Variants in PTBP2 observed in about 807,000 individuals in gnomAD.
The protein encoded by PTBP2 is polypyrimidine tract binding protein 2.
A neutral mutation model predicts 61.4 loss-of-function variants in PTBP2; 13 were observed. The ratio of observed to expected loss-of-function variants is 0.21; its 90% CI spans 0.14 to 0.34. PTBP2 has a LOEUF of 0.34. Ranked by LOEUF, PTBP2 falls within the 10% of genes least tolerant of loss-of-function variation. PTBP2 has a pLI of 1.00. For synonymous variants in PTBP2, 215 were observed against 218.5 expected, an observed-to-expected ratio of 0.98 and a Z score of 0.14; for missense variants, 405 against 642.6, an observed-to-expected ratio of 0.63 and a Z score of 4.00.
At chr1:96,750,464 T>C (rs1295062993) in intron 2 of PTBP2, among the ~76,000 whole-genome samples, 2 of 152,010 alleles carry the variant, frequency 1.3e-5, no homozygotes, top group Non-Finnish European at 2.9e-5. Flanking sequence ...AGACAACCTA[T>C]GGATATCTGT....
chr1:96,764,795 T>G (rs1656471521), intron 3 of PTBP2, among the ~76,000 whole-genome samples: 1 of 152,232 alleles, frequency 6.6e-6, no homozygotes, highest in Non-Finnish European at 1.5e-5. Flanking sequence ...AGTGTTACTA[T>G]TTATGAGGGT....
intron 3 of PTBP2, among the ~76,000 whole-genome samples, chr1:96,769,375 A>G (rs948255933): frequency 1.3e-5 from 2 of 152,034 alleles, no homozygotes; most frequent in African/African-American, 4.8e-5. Flanking sequence ...TATGTGGCAC[A>G]TGACTGTGAT....
At chr1:96,797,603 C>T (rs1421775873) in intron 8 of PTBP2, among the ~76,000 whole-genome samples, 7 of 152,120 alleles carry the variant, frequency 4.6e-5, no homozygotes, top group Non-Finnish European at 1.0e-4. Flanking sequence ...TCCCATCCCC[C>T]ACCCTCTGAC....
intron 2 of PTBP2, among the ~76,000 whole-genome samples, chr1:96,724,326 C>G (rs1650069646): frequency 6.6e-6 from 1 of 152,104 alleles, no homozygotes; most frequent in South Asian, 2.1e-4. Context: ...TCTTGGCCCA[C>G]TGCAACCTCT....
chr1:96,732,986 C>G (rs534796401), intron 2 of PTBP2, among the ~76,000 whole-genome samples: 31 of 150,684 alleles, frequency 2.1e-4, no homozygotes, highest in Non-Finnish European at 2.8e-4. Flanking sequence ...TAATTTTCCA[C>G]ATAAAAGTAG....
chr1:96,727,670 T>C (rs573156090), intron 2 of PTBP2, among the ~76,000 whole-genome samples: 1 of 152,328 alleles, frequency 6.6e-6, no homozygotes, highest in East Asian at 1.9e-4. Context: ...TTTCGTGTGC[T>C]TTTTGTCAGC....
chr1:96,795,331 A>G (rs1660266635), intron 8 of PTBP2, among the ~76,000 whole-genome samples: 1 of 152,172 alleles, frequency 6.6e-6, no homozygotes, highest in South Asian at 2.1e-4. Flanking sequence ...GGGGAAAATT[A>G]TATGTAAAAG....
chr1:96,775,114 T>G (rs1040965218), intron 5 of PTBP2, among the ~76,000 whole-genome samples: 2 of 152,184 alleles, frequency 1.3e-5, no homozygotes, highest in African/African-American at 4.8e-5. Flanking sequence ...AAGAGTAGAT[T>G]AGGTTTGGAT....
chr1:96,797,113 G>A (rs1170528742), intron 8 of PTBP2, among the ~76,000 whole-genome samples: 1 of 152,126 alleles, frequency 6.6e-6, no homozygotes, highest in African/African-American at 2.4e-5. Flanking sequence ...TAATCCAATG[G>A]CTATTTTGAT....
At chr1:96,750,700 C>T (rs905870813) in intron 2 of PTBP2, among the ~76,000 whole-genome samples, 3 of 151,860 alleles carry the variant, frequency 2.0e-5, no homozygotes, top group African/African-American at 7.3e-5. Context: ...TACTAATATC[C>T]ATGTATGTAA....
intron 8 of PTBP2, among the ~76,000 whole-genome samples, chr1:96,792,078 C>T (rs1386457850): frequency 2.0e-5 from 3 of 151,914 alleles, no homozygotes; most frequent in African/African-American, 7.3e-5. Flanking sequence ...ACCTCCTGAT[C>T]CTCCTGCCTC....
chr1:96,767,600 A>G (rs1415150531), intron 3 of PTBP2, among the ~76,000 whole-genome samples: 2 of 152,186 alleles, frequency 1.3e-5, no homozygotes, highest in African/African-American at 2.4e-5. Context: ...TTAGTCCTGT[A>G]TCAGAATAAT....
rs191909210 is a variant in PTBP2, at chr1:96,737,695, G to C, written c.40-13730G>C. 2.3e-3 allele frequency among the ~76,000 whole-genome samples: 348 copies of C among 152,296 alleles called. 4 individuals carry two copies. The highest frequency in any genetic ancestry group is 0.01 in the Middle Eastern group (3 of 294). On this transcript the variant is annotated intron_variant, in intron 2 of 13. Transcript: ENST00000674951. ...ATTTTTTGGAATGTAGGTTGAGTTA[G>C]AGTAGTAGAAGACAAAATTTAAAAA...
At chr1:96,765,414 A>G (rs1176157901) in intron 3 of PTBP2, among the ~76,000 whole-genome samples, 1 of 152,158 alleles carries the variant, frequency 6.6e-6, no homozygotes, top group African/African-American at 2.4e-5. Flanking sequence ...TAATTTACAA[A>G]TTATATGAGA....
intron 5 of PTBP2, among the ~76,000 whole-genome samples, chr1:96,773,123 CAA>C (rs563241972): frequency 7.9e-5 from 7 of 88,266 alleles, no homozygotes; most frequent in African/African-American, 2.9e-4. Context: ...GACTCTATCT[CAA>C]AAAAAAAAAA....
chr1:96,724,972 T>C lies in PTBP2; in HGVS notation c.39+1378T>C, dbSNP rs543448463. ...TCTTTCCTATAGTGAAATAGATATT[T>C]GCCCATTCTTTAGGCTTGTTTCTTG... On this transcript the variant is annotated intron_variant, in intron 2 of 13. Coordinates refer to ENST00000674951, the MANE Select transcript of PTBP2 (RefSeq NM_021190.4). 5.9e-5 allele frequency among the ~76,000 whole-genome samples: 9 copies of C among 152,330 alleles called. No homozygotes were observed. In the South Asian group the frequency reaches 1.9e-3, roughly 32 times the overall value.
intron 7 of PTBP2, among the ~76,000 whole-genome samples, chr1:96,784,033 G>T (rs1213729328): frequency 1.3e-5 from 2 of 152,034 alleles, no homozygotes; most frequent in Non-Finnish European, 2.9e-5. Flanking sequence ...ATTCCCAGAG[G>T]TGAGAATATT....
intron 8 of PTBP2, among the ~76,000 whole-genome samples, chr1:96,798,501 A>C (rs1660622278): frequency 6.6e-6 from 1 of 152,230 alleles, no homozygotes. Context: ...AGATGTTATG[A>C]ACAGGGAAAA....
chr1:96,749,723 A>G (rs530511162), intron 2 of PTBP2: 61 of 452,228 alleles, frequency 1.3e-4, no homozygotes, highest in South Asian at 7.6e-4. Context: ...ATGTGGGGAC[A>G]TTGTACTTGG....
Sources: allele counts gnomAD v4.1 joint callset (sites outside exome capture counted in the v4.1 genomes callset), GRCh38; gene constraint gnomAD v4.1.1; transcripts MANE v1.5; gene names NCBI Gene and HGNC (gene_info 2026-07-23, HGNC 2026-07-21).